The following NEGR1 variants were observed in gnomAD, a reference collection of about 807,000 sequenced individuals.
NEGR1 encodes the protein IgLON family member 4.
A neutral mutation model predicts 40.9 loss-of-function variants in NEGR1; 10 were observed. That is an observed-to-expected ratio of 0.24 (90% confidence interval 0.15 to 0.42). NEGR1 has a LOEUF of 0.42. Ranked by LOEUF, NEGR1 falls within the 10% of genes least tolerant of loss-of-function variation. The probability of loss-of-function intolerance (pLI) is 1.00; values close to 1 mark genes in which losing one functional copy is unlikely to be tolerated. For synonymous variants in NEGR1, 185 were observed against 166.8 expected (o/e 1.11, Z -0.84); for missense variants, 352 against 438.9 (o/e 0.80, Z 1.77).
intron 2 of NEGR1, among the ~76,000 whole-genome samples, chr1:71,861,595 T>C (rs1426956350): frequency 6.6e-6 from 1 of 152,066 alleles, no homozygotes; most frequent in African/African-American, 2.4e-5. Context: ...CTTGGGTTCA[T>C]TAGCACAATT....
intron 1 of NEGR1, among the ~76,000 whole-genome samples, chr1:72,147,730 G>A (rs1650963259): frequency 6.6e-6 from 1 of 152,152 alleles, no homozygotes; most frequent in South Asian, 2.1e-4. Flanking sequence ...TAAATACAAT[G>A]GGGTTGCAGG....
intron 1 of NEGR1, chr1:72,100,988 T>A (rs374978019): frequency 6.6e-6 from 1 of 152,202 alleles, no homozygotes; most frequent in South Asian, 2.1e-4. Flanking sequence ...AGGACAATAA[T>A]CCCATCAGAC....
chr1:71,943,979 T>G (rs1487933362), intron 1 of NEGR1, among the ~76,000 whole-genome samples: 1 of 152,234 alleles, frequency 6.6e-6, no homozygotes, highest in African/African-American at 2.4e-5. Context: ...TTGAGTGGTT[T>G]AAGGCTAGCT....
chr1:72,118,139 T>A (rs1025387734), intron 1 of NEGR1, among the ~76,000 whole-genome samples: 12 of 151,868 alleles, frequency 7.9e-5, no homozygotes, highest in African/African-American at 2.7e-4. Context: ...AACACTGAGC[T>A]GTGTGGCTAG....
intron 3 of NEGR1, among the ~76,000 whole-genome samples, chr1:71,720,905 C>T (rs1021682139): frequency 8.5e-5 from 13 of 152,088 alleles, no homozygotes; most frequent in Admixed American, 2.6e-4. Context: ...AAACTATTAC[C>T]TTTACTTGGA....
chr1:71,738,086 C>G (rs1473988398), intron 3 of NEGR1: 2 of 152,698 alleles, frequency 1.3e-5, no homozygotes, highest in African/African-American at 4.8e-5. Context: ...ATCTCTTTGC[C>G]CCTGAAATGA....
At chr1:71,986,748 C>A (rs947402262) in intron 1 of NEGR1, among the ~76,000 whole-genome samples, 1 of 152,306 alleles carries the variant, frequency 6.6e-6, no homozygotes, top group African/African-American at 2.4e-5. Context: ...GTGGCTTCAC[C>A]GGACTGTGTC....
At chr1:71,975,058 CA>C (rs1435863200) in intron 1 of NEGR1, among the ~76,000 whole-genome samples, 1 of 152,062 alleles carries the variant, frequency 6.6e-6, no homozygotes, top group Non-Finnish European at 1.5e-5. Context: ...TTTCTTCAGT[CA>C]ATGTTTGTTA....
At chr1:71,915,546 A>G (rs1439804502) in intron 2 of NEGR1, among the ~76,000 whole-genome samples, 1 of 152,116 alleles carries the variant, frequency 6.6e-6, no homozygotes, top group Non-Finnish European at 1.5e-5. Flanking sequence ...AGTTCTTAAC[A>G]CATTTCATTT....
chr1:71,536,084 G>C (rs1282103580), intron 6 of NEGR1, among the ~76,000 whole-genome samples: 1 of 151,550 alleles, frequency 6.6e-6, no homozygotes, highest in Non-Finnish European at 1.5e-5. Flanking sequence ...AGACTTAAGG[G>C]AAAATTCAAC....
At chr1:71,953,751 C>T (rs1646093522) in intron 1 of NEGR1, among the ~76,000 whole-genome samples, 1 of 151,966 alleles carries the variant, frequency 6.6e-6, no homozygotes, top group South Asian at 2.1e-4. Flanking sequence ...CCTTCACAAA[C>T]AGAACAAAGG....
At chr1:71,789,621 C>A (rs1055539037) in intron 2 of NEGR1, among the ~76,000 whole-genome samples, 17 of 151,978 alleles carry the variant, frequency 1.1e-4, no homozygotes, top group Non-Finnish European at 1.9e-4. Context: ...TTTCATATCC[C>A]AGATAAAAAA....
intron 1 of NEGR1, among the ~76,000 whole-genome samples, chr1:72,154,604 G>C (rs1651291908): frequency 6.6e-6 from 1 of 152,008 alleles, no homozygotes; most frequent in South Asian, 2.1e-4. Flanking sequence ...GTTAGAGACT[G>C]TACACTTCAT....
chr1:71,767,017 T>C (rs1219695367), intron 3 of NEGR1, among the ~76,000 whole-genome samples: 1 of 152,208 alleles, frequency 6.6e-6, no homozygotes, highest in Non-Finnish European at 1.5e-5. Flanking sequence ...AAGGAACCAA[T>C]TAAACTTCTT....
intron 1 of NEGR1, among the ~76,000 whole-genome samples, chr1:72,084,649 G>T (rs1648140171): frequency 6.6e-6 from 1 of 152,116 alleles, no homozygotes; most frequent in Admixed American, 6.5e-5. Flanking sequence ...TAATACTGAT[G>T]TGTTGAGTAA....
intron 1 of NEGR1, among the ~76,000 whole-genome samples, chr1:72,130,265 T>C (rs1354742650): frequency 2.0e-5 from 3 of 152,154 alleles, no homozygotes; most frequent in African/African-American, 7.2e-5. Flanking sequence ...CCTTGAACAT[T>C]CTCAGGCACA....
chr1:71,466,032 C>A (rs1646743190), intron 6 of NEGR1, among the ~76,000 whole-genome samples: 1 of 151,932 alleles, frequency 6.6e-6, no homozygotes, highest in Non-Finnish European at 1.5e-5. Flanking sequence ...CAGACCCATG[C>A]TCTATTTCTG....
intron 2 of NEGR1, among the ~76,000 whole-genome samples, chr1:71,803,541 T>C (rs1657638774): frequency 6.6e-6 from 1 of 152,204 alleles, no homozygotes; most frequent in African/African-American, 2.4e-5. Context: ...CATTGGTTCC[T>C]TGCTCTCTGA....
intron 1 of NEGR1, among the ~76,000 whole-genome samples, chr1:72,025,729 G>A (rs1646801311): frequency 6.6e-6 from 1 of 152,192 alleles, no homozygotes; most frequent in African/African-American, 2.4e-5. Context: ...ATATATTGCT[G>A]ATGAGAGACA....
Sources: gnomAD v4.1 joint callset for allele counts (sites outside exome capture counted in the v4.1 genomes callset) on GRCh38, gnomAD v4.1.1 for gene constraint, MANE v1.5 for transcripts, NCBI Gene and HGNC (gene_info 2026-07-23, HGNC 2026-07-21) for gene names.